HCK: variants seen among roughly 807,000 people sequenced by gnomAD.
HCK encodes HCK proto-oncogene, Src family tyrosine kinase, also known as tyrosine-protein kinase HCK.
Under a neutral mutation model 70.4 loss-of-function variants are expected in HCK, and 40 were observed. The ratio of observed to expected loss-of-function variants is 0.57; its 90% CI spans 0.44 to 0.74. The LOEUF is 0.74. HCK is among the 30% of genes least tolerant of loss of function. The pLI is 0.00. For synonymous variants in HCK, 245 were observed against 263.2 expected (o/e 0.93, Z 0.67); for missense variants, 568 against 697.2 (o/e 0.81, Z 2.09).
At chr20:32,057,339 C>G (rs2122455832) in intron 1 of HCK, among the ~76,000 whole-genome samples, 1 of 152,224 alleles carries the variant, frequency 6.6e-6, no homozygotes, top group Non-Finnish European at 1.5e-5. Flanking sequence ...GGTGGCTCAC[C>G]CTGTAATCCC....
intron 9 of HCK, among the ~76,000 whole-genome samples, chr20:32,087,219 C>CA (rs1340984466): frequency 2.0e-5 from 3 of 151,998 alleles, no homozygotes; most frequent in Non-Finnish European, 4.4e-5. Context: ...GTTCTGCCCC[C>CA]ACCCCCGCCC....
intron 1 of HCK, among the ~76,000 whole-genome samples, chr20:32,070,107 C>T (rs1022620381): frequency 2.0e-5 from 3 of 152,292 alleles, no homozygotes; most frequent in Admixed American, 6.5e-5. Context: ...AGTCTGCAAG[C>T]TCTACCTCCA....
chr20:32,073,618 C>T lies in HCK; in HGVS notation c.227-98C>T, dbSNP rs189163110. 128 of 762,962 alleles carry T rather than the reference C, an allele frequency of 1.7e-4. 1 individual carries two copies. The highest frequency in any genetic ancestry group is 1.1e-4 in the South Asian group (7 of 61,446). 47.3% of individuals were successfully genotyped at this position (762,962 alleles called of 1,614,324 possible). A position where few individuals can be genotyped will look rare whatever the true frequency, so the allele number is the denominator to read the frequency against. ...CCTACTTATACTTGGAACCACATAT[C>T]GATGGGTGCGGAGCTGTTCCAGGTG... is the stretch of plus-strand genomic sequence containing the variant. On this transcript the variant is annotated intron_variant, in intron 3 of 12. Coordinates refer to ENST00000375852, the MANE Select transcript of HCK (RefSeq NM_002110.5).
At chr20:32,076,748 G>C (rs1316885239) in intron 5 of HCK, among the ~76,000 whole-genome samples, 4 of 152,122 alleles carry the variant, frequency 2.6e-5, no homozygotes. Flanking sequence ...GGCAGCTGCT[G>C]CTGCTGCTGC....
In HCK at chr20:32,084,518, T is replaced by C. The variant is rs564305567; in HGVS notation, c.810T>C (p.Ala270=). Residue 270 remains alanine, a synonymous_variant, in exon 8 of 13, where the codon GCT becomes GCC. Transcript: ENST00000375852. ...TCAAGCTGGAGAAGAAACTTGGAGC[T>C]GGGCAGTTTGGGGAAGTCTGGATGG... 3.7e-6 allele frequency: 6 copies of C among 1,613,964 alleles called. No individual in the cohort carries two copies. In the Admixed American group the frequency reaches 8.3e-5, roughly 22 times the overall value.
intron 6 of HCK, among the ~76,000 whole-genome samples, chr20:32,081,459 T>C (rs963836913): frequency 5.3e-5 from 8 of 152,234 alleles, no homozygotes; most frequent in African/African-American, 1.9e-4. Flanking sequence ...CCTTTACTAA[T>C]ACATTTAGGT....
chr20:32,075,260 A>ACTT (rs2045604959), intron 5 of HCK, among the ~76,000 whole-genome samples: 1 of 151,944 alleles, frequency 6.6e-6, no homozygotes, highest in African/African-American at 2.4e-5. Context: ...TAGCACCATC[A>ACTT]CAGCTCACTT....
intron 9 of HCK, among the ~76,000 whole-genome samples, chr20:32,087,595 TAGCTGG>T (rs1412275095): frequency 6.6e-6 from 1 of 151,880 alleles, no homozygotes; most frequent in Non-Finnish European, 1.5e-5. Context: ...GTCTCCCCAG[TAGCTGG>T]CACTACAGGC....
Position 32,086,759 on chromosome 20 carries a change from G to T in HCK, c.967G>T (p.Val323Leu), listed in dbSNP as rs959494884. Residue 323 changes from valine (V) to leucine (L), a missense_variant, in exon 9 of 13, where the codon GTG becomes TTG. By Grantham distance (32) the Val-to-Leu change is conservative. Transcript: ENST00000375852. ...TGACAAGCTGGTCAAACTTCATGCGGTGGTCACCAAGGAGCCCATCTACAT... is the reference window on the plus strand; with the variant it reads ...TGACAAGCTGGTCAAACTTCATGCGTTGGTCACCAAGGAGCCCATCTACAT... 1.4e-5 allele frequency: 22 copies of T among 1,603,478 alleles called. No homozygotes were observed. The highest frequency in any genetic ancestry group is 1.8e-5 in the Non-Finnish European group (21 of 1,174,772).
chr20:32,074,823 A>G, intron 5 of HCK, 102 bp downstream of exon 5: 1 of 768,442 alleles, frequency 1.3e-6, no homozygotes, highest in South Asian at 1.5e-5. Flanking sequence ...CCTGGCACAT[A>G]CTCTTCCCAG....
At chr20:32,095,061 T>C (rs935551542) in intron 11 of HCK, among the ~76,000 whole-genome samples, 3 of 152,250 alleles carry the variant, frequency 2.0e-5, no homozygotes, top group African/African-American at 7.2e-5. Context: ...CAACACTCTT[T>C]AATGTCCATC....
intron 8 of HCK, among the ~76,000 whole-genome samples, chr20:32,086,020 T>A (rs1192182884): frequency 6.6e-6 from 1 of 151,932 alleles, no homozygotes; most frequent in Non-Finnish European, 1.5e-5. Context: ...TTTGGGTTTT[T>A]TGTTTGTTTG....
At chr20:32,057,727 T>G (rs1339039520) in intron 1 of HCK, among the ~76,000 whole-genome samples, 3 of 152,164 alleles carry the variant, frequency 2.0e-5, no homozygotes, top group Non-Finnish European at 1.5e-5. Flanking sequence ...TGTTGTTTAT[T>G]TTTCTTTTTT....
chr20:32,095,152 G>A (rs540546478), intron 11 of HCK, among the ~76,000 whole-genome samples: 3 of 152,184 alleles, frequency 2.0e-5, no homozygotes, highest in Non-Finnish European at 4.4e-5. Flanking sequence ...GAAGTACTAC[G>A]CCAGGCTAGA....
At chr20:32,069,888 G>T in intron 1 of HCK, 5 of 560,662 alleles carry the variant, frequency 8.9e-6, no homozygotes, top group Non-Finnish European at 1.3e-5. Flanking sequence ...AGTTCTAACT[G>T]CTTTAGAAGA....
chr20:32,086,839 G>A (rs1334967325), intron 9 of HCK, 32 bp downstream of exon 9: 5 of 1,557,152 alleles, frequency 3.2e-6, no homozygotes, highest in South Asian at 1.2e-5. Flanking sequence ...GGTGCAGGCT[G>A]TGGCCTATAC....
intron 10 of HCK, among the ~76,000 whole-genome samples, chr20:32,093,455 T>C (rs976022618): frequency 6.6e-6 from 1 of 150,834 alleles, no homozygotes; most frequent in Non-Finnish European, 1.5e-5. Context: ...AGAAAGAGAG[T>C]TGAAGGTGAA....
chr20:32,057,285 A>T (rs1250974068), intron 1 of HCK, among the ~76,000 whole-genome samples: 1 of 152,210 alleles, frequency 6.6e-6, no homozygotes, highest in Non-Finnish European at 1.5e-5. Flanking sequence ...GGGTCATGAC[A>T]AGGCTTCCTT....
Position 32,084,552 on chromosome 20 carries a change from C to G in HCK, c.835+9C>G. ...TGGGGAAGTCTGGATGGGTAAGGAC[C>G]CAGGGCCACAGCCCACAGGGCCAGA... is the stretch of plus-strand genomic sequence containing the variant. On this transcript the variant is annotated intron_variant, in intron 8 of 12. Coordinates refer to ENST00000375852, the MANE Select transcript of HCK (RefSeq NM_002110.5). 1 of 1,610,546 alleles carries G rather than the reference C, an allele frequency of 6.2e-7. No homozygotes were observed. Among genetic ancestry groups the G allele is most frequent in the Non-Finnish European group, 8.5e-7 (1 of 1,178,178 alleles).
Sources: gnomAD v4.1 joint callset for allele counts (sites outside exome capture counted in the v4.1 genomes callset) on GRCh38, gnomAD v4.1.1 for gene constraint, MANE v1.5 for transcripts, NCBI Gene and HGNC (gene_info 2026-07-23, HGNC 2026-07-21) for gene names.